TMEM25: variants seen among roughly 807,000 people sequenced by gnomAD.
TMEM25 encodes the protein transmembrane protein 25.
In TMEM25, 36 loss-of-function variants were observed where a neutral mutation model predicts 37.0. The ratio of observed to expected loss-of-function variants is 0.97; its 90% CI spans 0.75 to 1.28. The LOEUF (loss-of-function observed/expected upper bound fraction) is 1.28, where lower values mean the gene tolerates loss of function less well. TMEM25 is among the 50% of genes most tolerant of loss of function. The pLI is 0.00. For missense variants in TMEM25, 444 were observed against 477.9 expected (o/e 0.93, Z 0.66); for synonymous variants, 197 against 203.7 (o/e 0.97, Z 0.28).
downstream of TMEM25, among the ~76,000 whole-genome samples, chr11:118,538,093 T>C (rs1416154849): frequency 3.9e-5 from 6 of 152,274 alleles, no homozygotes; most frequent in East Asian, 1.2e-3. Flanking sequence ...ATAGTGGTTG[T>C]ACTAGTTTAC....
intron 3 of TMEM25, 66 bp from the exon 4 acceptor site, chr11:118,532,851 T>C (rs1297058109): frequency 1.3e-6 from 2 of 1,547,216 alleles, no homozygotes; most frequent in Admixed American, 3.7e-5. Flanking sequence ...CATCTGGGTT[T>C]GGGAAGAAAG....
downstream of TMEM25, among the ~76,000 whole-genome samples, chr11:118,539,410 C>A (rs1339150563): frequency 6.6e-6 from 1 of 152,112 alleles, no homozygotes; most frequent in Admixed American, 6.6e-5. Context: ...TCGTGATCCA[C>A]CTGCCTTGGC....
In TMEM25 at chr11:118,534,470, C is replaced by A. The variant is rs781926040; in HGVS notation, c.1028-37C>A. On this transcript the variant is annotated intron_variant, in intron 8 of 8. Transcript: ENST00000313236. The surrounding 1 kb of genome is among the most constrained non-coding windows in gnomAD (Gnocchi z 4.6). ...AGCTCTCCAAATTCCAAGGAACAAG[C>A]GTTACTGAGTCCCCGCGGGCTTCTT... 2 of 1,613,402 alleles carry A rather than the reference C, an allele frequency of 1.2e-6. No homozygotes were observed. Among genetic ancestry groups the A allele is most frequent in the Non-Finnish European group, 1.7e-6 (2 of 1,179,818 alleles).
intron 3 of TMEM25, 161 bp from the exon 4 acceptor site, chr11:118,532,756 C>A: frequency 9.6e-7 from 1 of 1,038,682 alleles, no homozygotes; most frequent in African/African-American, 1.6e-5. Context: ...CACTCATAAT[C>A]ACTCCGAAAT....
chr11:118,532,013 A>G, intron 2 of TMEM25, 137 bp from the exon 3 acceptor site: 1 of 1,363,432 alleles, frequency 7.3e-7, no homozygotes, highest in Non-Finnish European at 9.9e-7. Context: ...CCCTAGGTCC[A>G]ACCAGCCAGT....
chr11:118,531,394 A>G (rs1415930128), intron 1 of TMEM25, 160 bp downstream of exon 1: 3 of 355,730 alleles, frequency 8.4e-6, no homozygotes, highest in South Asian at 5.9e-5. Context: ...GAGGATGGGA[A>G]CAGGGCAGGA....
chr11:118,545,105 A>G, intron 8 of TMEM25: 1 of 953,290 alleles, frequency 1.0e-6, no homozygotes, highest in Non-Finnish European at 1.6e-6. Context: ...AACCCCCTTT[A>G]TTTCCTTCCT....
rs45558732 is a variant in TMEM25, at chr11:118,532,247, G to T, written c.168G>T (p.Gly56=). 0.027 allele frequency: 42,925 copies of T among 1,613,740 alleles called. 690 individuals carry two copies. The highest frequency in any genetic ancestry group is 0.032 in the Non-Finnish European group (37,273 of 1,179,732). ...ACGCCTTCACCTGCCGGGTGGCAGG[G>T]GGGCCTGGCACCCCCAGATTGGCCT... ...ERHAFTCRVA[G]GPGTPRLAWY... Residue 56 remains glycine (G), a synonymous_variant, in exon 3 of 9, where the codon GGG becomes GGT. Coordinates refer to ENST00000313236, the MANE Select transcript of TMEM25 (RefSeq NM_032780.4).
chr11:118,538,074 T>C (rs73022041), downstream of TMEM25, among the ~76,000 whole-genome samples: 24,560 of 152,054 alleles, frequency 0.16, 2,452 homozygotes, highest in East Asian at 0.49. Context: ...AATCCCCATA[T>C]GGTTTTCCAT....
intron 8 of TMEM25, chr11:118,544,988 G>C (rs1341376448): frequency 2.5e-6 from 4 of 1,612,992 alleles, no homozygotes; most frequent in Non-Finnish European, 3.4e-6. Context: ...ATGCTTTCTT[G>C]CCTTCAGCGA....
At position 118,535,643 on chromosome 11, in the gene TMEM25, A is replaced by G; in HGVS notation, c.*1063A>G. ...TGGAAGCTTTAGGGGAACATGGAGA[A>G]AGAAGGAGACCACATACCCCAAAGT... is the stretch of plus-strand genomic sequence containing the variant. On this transcript the variant is annotated 3_prime_UTR_variant, in exon 9 of 9. Transcript: ENST00000313236. 6.6e-7 allele frequency: 1 copy of G among 1,522,372 alleles called. No individual in the cohort carries two copies. The highest frequency in any genetic ancestry group is 8.8e-7 in the Non-Finnish European group (1 of 1,136,568). 94.3% of individuals were successfully genotyped at this position (1,522,372 alleles called of 1,614,324 possible).
At chr11:118,539,788 A>T (rs933794383), downstream of TMEM25, among the ~76,000 whole-genome samples, 2 of 151,908 alleles carry the variant, frequency 1.3e-5, no homozygotes, top group African/African-American at 4.8e-5. Flanking sequence ...TGGGAGGCAG[A>T]GGTGGGCAGA....
Position 118,535,425 on chromosome 11 carries a change from C to T in TMEM25, c.*845C>T. The T allele has an allele frequency of 1.4e-6, 2 of 1,468,350 alleles. No homozygotes were observed. The highest frequency in any genetic ancestry group is 1.8e-6 in the Non-Finnish European group (2 of 1,109,612). 91.0% of individuals were successfully genotyped at this position (1,468,350 alleles called of 1,614,324 possible). ...GGGGGTGAGTGAGGGGCCCAGAGCC[C>T]TCTTTGTGGCTTCCCCACGTTTGGC... On this transcript the variant is annotated 3_prime_UTR_variant, in exon 9 of 9. Transcript: ENST00000313236.
chr11:118,533,770 G>A (rs1365051349), intron 5 of TMEM25, 87 bp from the exon 6 acceptor site: 6 of 1,604,916 alleles, frequency 3.7e-6, no homozygotes, highest in Non-Finnish European at 5.1e-6. Flanking sequence ...GAGACCCCTT[G>A]CCTGAGGGTC....
intron 8 of TMEM25, among the ~76,000 whole-genome samples, chr11:118,541,699 C>CCA (rs1383595440): frequency 6.6e-6 from 1 of 152,082 alleles, no homozygotes; most frequent in Non-Finnish European, 1.5e-5. Context: ...CTCTAGTGGT[C>CCA]CACAGTGTCT....
At position 118,534,523 on chromosome 11, in the gene TMEM25, A is replaced by G. The variant is rs1304406303; in HGVS notation, c.1044A>G (p.Pro348=). ...ATCCCGCAGGTTTCATCCGCCTCCC[A>G]GTGCTGGGCTATATCTATCGAGTGT... ...LLTSQGFIRL[P]VLGYIYRVSS... is the part of the protein sequence containing the mutation. The change falls in exon 9 of 9, where the codon CCA becomes CCG. Residue 348 remains proline, a synonymous_variant. Coordinates refer to ENST00000313236, the MANE Select transcript of TMEM25 (RefSeq NM_032780.4). This position sits in a 1 kb window ranked among gnomAD's most constrained non-coding sequence, Gnocchi z 4.6. The G allele has an allele frequency of 1.9e-6, 3 of 1,614,082 alleles. No individual in the cohort carries two copies. Among genetic ancestry groups the G allele is most frequent in the African/African-American group, 2.7e-5 (2 of 74,912 alleles).
chr11:118,532,304 C>T lies in TMEM25; in HGVS notation c.225C>T (p.Ser75=). ...WYLDGQLQEA[S]TSRLLSVGGE... ...TGGATGGACAGCTGCAGGAGGCCAG[C>T]ACCTCAAGACTGCTGAGCGTGGGAG... Residue 75 remains serine (S), a synonymous_variant, in exon 3 of 9, where the codon AGC becomes AGT. Coordinates refer to ENST00000313236, the MANE Select transcript of TMEM25 (RefSeq NM_032780.4). The T allele has an allele frequency of 6.2e-7, 1 of 1,614,214 alleles. No homozygotes were observed. Among genetic ancestry groups the T allele is most frequent in the African/African-American group, 1.3e-5 (1 of 75,070 alleles).
intron 8 of TMEM25, among the ~76,000 whole-genome samples, chr11:118,540,882 T>C (rs1464585310): frequency 6.6e-6 from 1 of 152,156 alleles, no homozygotes; most frequent in East Asian, 1.9e-4. Flanking sequence ...ACTCCATTTA[T>C]ATGAAATGTC....
intron 1 of TMEM25, chr11:118,531,505 C>T (rs917777413): frequency 3.7e-6 from 2 of 539,894 alleles, no homozygotes; most frequent in Admixed American, 3.3e-5. Context: ...CACGGATGCT[C>T]GTTGCTTCTG....
Sources: gnomAD v4.1 joint callset for allele counts (sites outside exome capture counted in the v4.1 genomes callset) on GRCh38, gnomAD v4.1.1 for gene constraint, Gnocchi (gnomAD v3.1) non-coding constraint, MANE v1.5 for transcripts, NCBI Gene and HGNC (gene_info 2026-07-23, HGNC 2026-07-21) for gene names.